The following HPS4 variants were observed in gnomAD, a reference collection of about 807,000 sequenced individuals.
HPS4 encodes HPS4 biogenesis of lysosomal organelles complex 3 subunit 2, also known as BLOC-3 complex member HPS4.
Under a neutral mutation model 70.3 loss-of-function variants are expected in HPS4, and 44 were observed. That is an observed-to-expected ratio of 0.63 (90% CI 0.49 to 0.80). The LOEUF is 0.80. Among genes scored for constraint, HPS4 ranks in the 30% least tolerant of loss-of-function variants. The probability of loss-of-function intolerance (pLI) is 0.00; values close to 1 mark genes in which losing one functional copy is unlikely to be tolerated. For missense variants in HPS4, 873 were observed against 884.4 expected, an observed-to-expected ratio of 0.99 and a Z score of 0.16; for synonymous variants, 377 against 355.9, an observed-to-expected ratio of 1.06 and a Z score of -0.67.
Position 26,458,501 on chromosome 22 carries a change from G to C in HPS4, c.1790C>G (p.Ser597Cys). The C allele has an allele frequency of 6.2e-7, 1 of 1,614,124 alleles. No individual in the cohort carries two copies. ...KETLPRDEAASTSSTYNFTHY... is the reference protein window; with the variant it reads ...KETLPRDEAACTSSTYNFTHY... ...TGTGAAGTTGTAGGTGCTGCTCGTG[G>C]AGGCTGCCTCATCCCTGGGCAGCGT... Residue 597 changes from serine to cysteine, a missense_variant, in exon 12 of 14, where the codon TCC becomes TGC. By Grantham distance (112) the Ser-to-Cys change is moderately radical (BLOSUM62 -1). Transcript: ENST00000398145.
chr22:26,479,735 T>C, intron 2 of HPS4: 1 of 1,019,088 alleles, frequency 9.8e-7, no homozygotes, highest in Non-Finnish European at 1.2e-6. Context: ...ATGTATTAGA[T>C]GCACTCCTCA....
At chr22:26,447,175 T>C (rs564666763), downstream of HPS4, among the ~76,000 whole-genome samples, 1 of 152,166 alleles carries the variant, frequency 6.6e-6, no homozygotes, top group Non-Finnish European at 1.5e-5. Flanking sequence ...CACTGAGAGA[T>C]TGGGTCAGGG....
At chr22:26,472,160 G>T in intron 6 of HPS4, 142 bp downstream of exon 6, 1 of 721,062 alleles carries the variant, frequency 1.4e-6, no homozygotes, top group South Asian at 1.5e-5. Flanking sequence ...GAGGCTGAGA[G>T]GTGACCTGCC....
intron 4 of HPS4, 159 bp downstream of exon 4, chr22:26,476,834 C>G: frequency 1.3e-6 from 1 of 741,486 alleles, no homozygotes. Context: ...ATGATGAAAA[C>G]CTGCAGAGAG....
intron 1 of HPS4, chr22:26,482,952 T>C (rs1321119245): frequency 6.6e-6 from 1 of 152,260 alleles, no homozygotes; most frequent in Non-Finnish European, 1.5e-5. Flanking sequence ...GTCTAATTCT[T>C]ACTGTCACTT....
Position 26,452,116 on chromosome 22 carries a change from A to G in HPS4, c.*1117T>C. On this transcript the variant is annotated 3_prime_UTR_variant, in exon 14 of 14. Coordinates refer to ENST00000398145, the MANE Select transcript of HPS4 (RefSeq NM_022081.6). ...CTCAGAACTCCAGCATTTTTTGGCT[A>G]TTTTATTTCTAGCCCTTGGAAGCTT... 1 of 340,814 alleles carries G rather than the reference A, an allele frequency of 2.9e-6. No homozygotes were observed. The highest frequency in any genetic ancestry group is 2.3e-5 in the South Asian group (1 of 43,840). The allele number at this position is 340,814 out of a possible 1,614,324, so 21.1% of individuals were successfully genotyped here.
At chr22:26,477,193 A>G in intron 3 of HPS4, 57 bp from the exon 4 acceptor site, 1 of 1,593,972 alleles carries the variant, frequency 6.3e-7, no homozygotes, top group Non-Finnish European at 8.6e-7. Context: ...CTCTTAAGTC[A>G]TTTCTTACAG....
At chr22:26,479,587 G>C (rs1053242846) in intron 2 of HPS4, 12 of 1,362,820 alleles carry the variant, frequency 8.8e-6, no homozygotes, top group Non-Finnish European at 1.1e-5. Flanking sequence ...ACCATCTGCC[G>C]GAGAAGACAC....
At chr22:26,459,291 G>A (rs144198764) in intron 11 of HPS4, among the ~76,000 whole-genome samples, 2 of 152,298 alleles carry the variant, frequency 1.3e-5, no homozygotes, top group African/African-American at 2.4e-5. Context: ...CAAGGAGATG[G>A]GTTCAAGTAC....
At chr22:26,472,164 A>G (rs1602017804) in intron 6 of HPS4, 138 bp downstream of exon 6, 2 of 729,322 alleles carry the variant, frequency 2.7e-6, no homozygotes, top group East Asian at 5.0e-5. Context: ...CTGAGAGGTG[A>G]CCTGCCGTGT....
chr22:26,472,756 A>C, intron 5 of HPS4, 76 bp downstream of exon 5: 6 of 1,091,908 alleles, frequency 5.5e-6, no homozygotes, highest in Non-Finnish European at 8.5e-6. Flanking sequence ...AAGACCCCAG[A>C]GTAAGTGCTG....
intron 4 of HPS4, among the ~76,000 whole-genome samples, chr22:26,475,059 A>G (rs2090344251): frequency 6.6e-6 from 1 of 152,216 alleles, no homozygotes; most frequent in Admixed American, 6.5e-5. Flanking sequence ...TCTATGACCC[A>G]GCAATTCCAG....
intron 12 of HPS4, 34 bp downstream of exon 12, chr22:26,458,411 C>A: frequency 6.2e-7 from 1 of 1,613,584 alleles, no homozygotes; most frequent in Non-Finnish European, 8.5e-7. Context: ...AATCTGGCAT[C>A]CCCGTCGCCC....
Position 26,472,903 on chromosome 22 carries a change from A to T in HPS4, c.313T>A (p.Cys105Ser), listed in dbSNP as rs781343333. 1 of 1,614,260 alleles carries T rather than the reference A, an allele frequency of 6.2e-7. No homozygotes were observed. The highest frequency in any genetic ancestry group is 8.5e-7 in the Non-Finnish European group (1 of 1,180,042). The change falls in exon 5 of 14, where the codon TGC (cysteine) becomes AGC (serine). Residue 105 changes from cysteine to serine, a missense_variant. Cys to Ser is a moderately radical substitution (Grantham distance 112). Coordinates refer to ENST00000398145, the MANE Select transcript of HPS4 (RefSeq NM_022081.6). ...GCAVELPDVS[C>S]KRFLDQLVGF... ...ACTAGCTGATCCAGAAACCGCTTGC[A>T]GCTGACATCAGGGAGCTCCACAGCA...
chr22:26,455,884 T>C (rs1030181154), intron 13 of HPS4, among the ~76,000 whole-genome samples: 22 of 151,960 alleles, frequency 1.4e-4, no homozygotes, highest in African/African-American at 4.4e-4. Context: ...CACAAGGTGG[T>C]TGGTGGAGCA....
Position 26,472,901 on chromosome 22 carries a change from G to A in HPS4, c.315C>T (p.Cys105=), listed in dbSNP as rs541941563. ...GCAVELPDVS[C]KRFLDQLVGF... Reference sequence around the variant, plus strand: ...CAACTAGCTGATCCAGAAACCGCTTGCAGCTGACATCAGGGAGCTCCACAG... The same window carrying A: ...CAACTAGCTGATCCAGAAACCGCTTACAGCTGACATCAGGGAGCTCCACAG... The change falls in exon 5 of 14, where the codon TGC becomes TGT. Residue 105 remains cysteine, a synonymous_variant. Coordinates refer to ENST00000398145, the MANE Select transcript of HPS4 (RefSeq NM_022081.6). The A allele has an allele frequency of 1.5e-5, 24 of 1,614,218 alleles. No individual in the cohort carries two copies. In the African/African-American group the frequency reaches 2.7e-4, roughly 18 times the overall value.
intron 7 of HPS4, 50 bp downstream of exon 7, chr22:26,470,669 T>C (rs1166804581): frequency 1.3e-6 from 2 of 1,577,204 alleles, no homozygotes; most frequent in Non-Finnish European, 1.7e-6. Context: ...TGATGGTCAG[T>C]TGTGCAGCAA....
intron 3 of HPS4, among the ~76,000 whole-genome samples, chr22:26,477,550 A>G (rs938593818): frequency 3.3e-5 from 5 of 152,200 alleles, no homozygotes; most frequent in Non-Finnish European, 7.4e-5. Flanking sequence ...GATGCAGATT[A>G]ACCCCAACTA....
chr22:26,466,690 T>G (rs1278683650), intron 8 of HPS4: 1 of 258,274 alleles, frequency 3.9e-6, no homozygotes, highest in African/African-American at 2.2e-5. Context: ...ATACTGTGAC[T>G]CTCACGATAA....
Sources: allele counts gnomAD v4.1 joint callset (sites outside exome capture counted in the v4.1 genomes callset), GRCh38; gene constraint gnomAD v4.1.1; transcripts MANE v1.5; gene names NCBI Gene and HGNC (gene_info 2026-07-23, HGNC 2026-07-21).